VAV2: variants seen among roughly 807,000 people sequenced by gnomAD.
VAV2 encodes the protein guanine nucleotide exchange factor VAV2.
A neutral mutation model predicts 132.5 loss-of-function variants in VAV2; 67 were observed. The ratio of observed to expected loss-of-function variants is 0.51; its 90% confidence interval spans 0.42 to 0.62. The LOEUF is 0.62. VAV2 is among the 20% of genes least tolerant of loss of function. The probability of loss-of-function intolerance (pLI) is 0.00; values close to 1 mark genes in which losing one functional copy is unlikely to be tolerated. For missense variants in VAV2, 938 were observed against 1,153.6 expected (o/e 0.81, Z 2.71); for synonymous variants, 492 against 443.5 (o/e 1.11, Z -1.37).
In VAV2 at chr9:133,825,000, G is replaced by C. The variant is rs974635400; in HGVS notation, c.449+9272C>G. 2.0e-5 allele frequency among the ~76,000 whole-genome samples: 3 copies of C among 152,226 alleles called. No individual in the cohort carries two copies. Among genetic ancestry groups the C allele is most frequent in the Non-Finnish European group, 4.4e-5 (3 of 68,036 alleles). ...GTCCCCACAGAGGCCTGGCCTCACA[G>C]AGTCACACCGAGGAGCAAGAGACCC... On this transcript the variant is annotated intron_variant, in intron 4 of 29. Coordinates refer to ENST00000371850, the MANE Select transcript of VAV2 (RefSeq NM_001134398.2). This position sits in a 1 kb window ranked among gnomAD's most constrained non-coding sequence, Gnocchi z 5.2.
intron 3 of VAV2, among the ~76,000 whole-genome samples, chr9:133,851,980 AATGGATGGACAGATGGATAC>A (rs1434054899): frequency 2.0e-5 from 3 of 149,824 alleles, no homozygotes; most frequent in Non-Finnish European, 3.0e-5. Context: ...AGGATGGATG[AATGGATGGACAGATGGATAC>A]ATGGATGGAT....
At chr9:133,986,032 A>C (rs946405183) in intron 1 of VAV2, among the ~76,000 whole-genome samples, 1 of 152,204 alleles carries the variant, frequency 6.6e-6, no homozygotes, top group South Asian at 2.1e-4. Context: ...CAAGAGAGGA[A>C]GGAAAGGAGG....
intron 1 of VAV2, among the ~76,000 whole-genome samples, chr9:133,970,212 C>T (rs1268079023): frequency 6.6e-6 from 1 of 152,214 alleles, no homozygotes; most frequent in African/African-American, 2.4e-5. Flanking sequence ...TCACAAGTGC[C>T]AGGTCCTCAG....
At position 133,779,915 on chromosome 9, in the gene VAV2, C is replaced by T. The variant is rs1279848794; in HGVS notation, c.1762+3G>A. ...GCAGAGGGCCCAGGTCCAGAAGACT[C>T]ACCTGGTCCCGCTCCGGAGGCGTCC... On this transcript the variant is annotated splice_donor_region_variant and intron_variant, in intron 21 of 29. Transcript: ENST00000371850. The T allele has an allele frequency of 1.9e-6, 3 of 1,612,054 alleles. No individual in the cohort carries two copies. The South Asian group carries it at 3.3e-5, about 18-fold the overall frequency.
intron 5 of VAV2, among the ~76,000 whole-genome samples, chr9:133,811,761 G>A (rs1391290474): frequency 6.6e-6 from 1 of 152,218 alleles, no homozygotes. Flanking sequence ...AAGGCTCCCT[G>A]GGCAGGAACA....
Position 133,763,015 on chromosome 9 carries a change from G to A in VAV2, c.*1047C>T, listed in dbSNP as rs1277538860. ...TGGCTGGGGGAGGTAATGGGGTAGAGCCACCCCCAAGAGCACTTATTTTGA... is the reference window on the plus strand; with the variant it reads ...TGGCTGGGGGAGGTAATGGGGTAGAACCACCCCCAAGAGCACTTATTTTGA... On this transcript the variant is annotated 3_prime_UTR_variant, in exon 30 of 30. Transcript: ENST00000371850. The surrounding 1 kb of genome is among the most constrained non-coding windows in gnomAD (Gnocchi z 6.8). 1 of 152,654 alleles carries A rather than the reference G, an allele frequency of 6.6e-6. No individual in the cohort carries two copies. Among genetic ancestry groups the A allele is most frequent in the Non-Finnish European group, 1.5e-5 (1 of 68,106 alleles). The allele number at this position is 152,654 out of a possible 1,614,324, so 9.5% of individuals were successfully genotyped here. A position where few individuals can be genotyped will look rare whatever the true frequency, so the allele number is the denominator to read the frequency against.
intron 4 of VAV2, among the ~76,000 whole-genome samples, chr9:133,819,423 T>C (rs955478054): frequency 6.7e-6 from 1 of 149,158 alleles, no homozygotes; most frequent in Non-Finnish European, 1.5e-5. Flanking sequence ...CACTCCAGCC[T>C]GGGCGACAGA....
At position 133,782,285 on chromosome 9, in the gene VAV2, C is replaced by CA. The variant is rs1290457113; in HGVS notation, c.1723+1217dup. On this transcript the variant is annotated intron_variant, in intron 19 of 29. Coordinates refer to ENST00000371850, the MANE Select transcript of VAV2 (RefSeq NM_001134398.2). ...ACATTACCTTTAGAATCAGAGAAAG[C>CA]AAAAAAAGATTCTAAGTAGCTGCAG... is the stretch of plus-strand genomic sequence containing the variant. 5.9e-5 allele frequency among the ~76,000 whole-genome samples: 9 copies of CA among 151,566 alleles called. No individual in the cohort carries two copies. The East Asian group carries it at 9.7e-4, about 16-fold the overall frequency.
At chr9:133,793,986 C>T (rs531544604) in intron 12 of VAV2, among the ~76,000 whole-genome samples, 1 of 152,258 alleles carries the variant, frequency 6.6e-6, no homozygotes, top group East Asian at 1.9e-4. Context: ...CTCAGAAAGG[C>T]AGACGCACAC....
At chr9:133,968,904 C>T (rs933629854) in intron 1 of VAV2, among the ~76,000 whole-genome samples, 8 of 152,292 alleles carry the variant, frequency 5.3e-5, no homozygotes, top group African/African-American at 1.2e-4. Context: ...AGAACCACCA[C>T]GAGGCTATTT....
intron 2 of VAV2, among the ~76,000 whole-genome samples, chr9:133,886,913 T>C (rs189146757): frequency 6.6e-6 from 1 of 152,332 alleles, no homozygotes; most frequent in African/African-American, 2.4e-5. Context: ...TCTTCCAAGA[T>C]GCACAGGAGG....
chr9:133,781,620 C>G (rs531128292), intron 19 of VAV2, among the ~76,000 whole-genome samples: 1 of 152,190 alleles, frequency 6.6e-6, no homozygotes. Context: ...AAACCAGCCT[C>G]GGCAGAGCCC....
chr9:133,916,571 T>C (rs1476034509), intron 2 of VAV2, among the ~76,000 whole-genome samples: 1 of 151,196 alleles, frequency 6.6e-6, no homozygotes, highest in Non-Finnish European at 1.5e-5. Context: ...TCACTGGTGA[T>C]ATGGATGGAG....
intron 1 of VAV2, among the ~76,000 whole-genome samples, chr9:133,964,309 GATAT>G (rs10530876): frequency 8.8e-5 from 13 of 148,328 alleles, no homozygotes; most frequent in Non-Finnish European, 1.0e-4. Context: ...AGTGAGCCCT[GATAT>G]ATATATATAT....
At chr9:133,899,793 G>A (rs1331750199) in intron 2 of VAV2, among the ~76,000 whole-genome samples, 4 of 149,956 alleles carry the variant, frequency 2.7e-5, no homozygotes, top group Non-Finnish European at 4.5e-5. Flanking sequence ...AGGCCGAGGC[G>A]GGTGGATCAC....
chr9:133,953,305 C>G (rs542445859), intron 1 of VAV2, among the ~76,000 whole-genome samples: 1 of 152,350 alleles, frequency 6.6e-6, no homozygotes, highest in East Asian at 1.9e-4. Flanking sequence ...GCGCTGTGCC[C>G]CCCAAGCCCA....
intron 2 of VAV2, among the ~76,000 whole-genome samples, chr9:133,934,069 A>G (rs2519813): frequency 0.82 from 122,060 of 149,336 alleles, 50,871 homozygotes; most frequent in East Asian, 0.92. Flanking sequence ...ATTGATGGAT[A>G]GATGGATGGT....
intron 1 of VAV2, among the ~76,000 whole-genome samples, chr9:133,982,649 A>ATCTGGTTTTGCAGGGCGCGCCG (rs1247141234): frequency 2.6e-5 from 4 of 151,906 alleles, no homozygotes; most frequent in Non-Finnish European, 5.9e-5. Flanking sequence ...AGGGCCCACC[A>ATCTGGTTTTGCAGGGCGCGCCG]CCTGGTTTTG....
rs1271826682 is a variant in VAV2, at chr9:133,804,648, G to A, written c.836+1433C>T. On this transcript the variant is annotated intron_variant, in intron 9 of 29. Coordinates refer to ENST00000371850, the MANE Select transcript of VAV2 (RefSeq NM_001134398.2). The surrounding 1 kb of genome is among the most constrained non-coding windows in gnomAD (Gnocchi z 4.5). ...CGTGGCTCCCTCCCTTCCTGGCCGAGGGACAGCATGAACAAGGCGCTGAAA... is the reference window on the plus strand; with the variant it reads ...CGTGGCTCCCTCCCTTCCTGGCCGAAGGACAGCATGAACAAGGCGCTGAAA... Among the ~76,000 whole-genome samples the A allele has an allele frequency of 2.0e-5, 3 of 152,212 alleles. No individual in the cohort carries two copies. The highest frequency in any genetic ancestry group is 4.4e-5 in the Non-Finnish European group (3 of 68,032).
Sources: gnomAD v4.1 joint callset for allele counts (sites outside exome capture counted in the v4.1 genomes callset) on GRCh38, gnomAD v4.1.1 for gene constraint, Gnocchi (gnomAD v3.1) non-coding constraint, MANE v1.5 for transcripts, NCBI Gene and HGNC (gene_info 2026-07-23, HGNC 2026-07-21) for gene names.